Variants in CAMK2B observed in about 807,000 individuals in gnomAD.
CAMK2B encodes calcium/calmodulin-dependent protein kinase type II subunit beta.
CAMK2B carries 27 observed loss-of-function variants against 93.7 expected under a neutral mutation model. The ratio of observed to expected loss-of-function variants is 0.29; its 90% CI spans 0.21 to 0.40. The LOEUF (loss-of-function observed/expected upper bound fraction) is 0.40, where lower values mean the gene tolerates loss of function less well. Among genes scored for constraint, CAMK2B ranks in the 10% least tolerant of loss-of-function variants. The pLI is 1.00. For missense variants in CAMK2B, 568 were observed against 895.8 expected (o/e 0.63, Z 4.67); for synonymous variants, 374 against 358.8 (o/e 1.04, Z -0.48).
At chr7:44,284,953 G>A (rs991845043) in intron 1 of CAMK2B, among the ~76,000 whole-genome samples, 1 of 152,136 alleles carries the variant, frequency 6.6e-6, no homozygotes, top group African/African-American at 2.4e-5. Context: ...GGGACAGAGG[G>A]AGCTGACCAG....
At chr7:44,303,670 C>T (rs1449049802) in intron 1 of CAMK2B, among the ~76,000 whole-genome samples, 1 of 152,132 alleles carries the variant, frequency 6.6e-6, no homozygotes, top group Admixed American at 6.5e-5. Flanking sequence ...CATAGAAAAT[C>T]TGGATGACTT....
chr7:44,310,351 G>C (rs973916445), intron 1 of CAMK2B, among the ~76,000 whole-genome samples: 2 of 152,204 alleles, frequency 1.3e-5, no homozygotes, highest in Admixed American at 6.5e-5. Flanking sequence ...ACCACTTCCT[G>C]GGGCCGGAAG....
intron 16 of CAMK2B, among the ~76,000 whole-genome samples, chr7:44,232,342 T>G (rs2096587325): frequency 6.6e-6 from 1 of 151,704 alleles, no homozygotes; most frequent in Non-Finnish European, 1.5e-5. Flanking sequence ...AGCCAGCCCC[T>G]TCCCTGGCCC....
At chr7:44,277,755 C>T (rs1388899409) in intron 2 of CAMK2B, among the ~76,000 whole-genome samples, 3 of 151,644 alleles carry the variant, frequency 2.0e-5, no homozygotes, top group Non-Finnish European at 4.4e-5. Context: ...CCCCACCTCC[C>T]TGAATAGCAG....
Position 44,243,269 on chromosome 7 carries a change from A to G in CAMK2B, c.582T>C (p.Pro194=), listed in dbSNP as rs11542228. ...EVLRKEAYGK[P]VDIWACGVIL... ...CCTCACCACATGCCCAGATGTCCAC[A>G]GGCTTGCCATACGCCTCTTTGCGAA... The change falls in exon 8 of 24, where the codon CCT becomes CCC. Residue 194 remains proline, a synonymous_variant. Transcript: ENST00000395749. The G allele has an allele frequency of 0.42, 670,281 of 1,611,032 alleles. 142,565 individuals carry two copies. Among genetic ancestry groups the G allele is most frequent in the Middle Eastern group, 0.51 (3,093 of 6,050 alleles).
intron 6 of CAMK2B, among the ~76,000 whole-genome samples, chr7:44,245,343 C>A (rs1488082061): frequency 6.6e-6 from 1 of 152,192 alleles, no homozygotes. Context: ...CACTACTCTG[C>A]TGCTTCCTGG....
At chr7:44,237,233 C>G (rs921201500) in intron 13 of CAMK2B, among the ~76,000 whole-genome samples, 2 of 152,244 alleles carry the variant, frequency 1.3e-5, no homozygotes, top group African/African-American at 4.8e-5. Flanking sequence ...GGCAGAGACC[C>G]CGGACAGTCC....
chr7:44,262,931 T>G, intron 3 of CAMK2B, 74 bp downstream of exon 3: 1 of 1,314,586 alleles, frequency 7.6e-7, no homozygotes, highest in Non-Finnish European at 1.1e-6. Context: ...GAAAGTCTGA[T>G]AGAGAAACCG....
At chr7:44,255,752 T>G (rs1380729154) in intron 4 of CAMK2B, among the ~76,000 whole-genome samples, 1 of 152,174 alleles carries the variant, frequency 6.6e-6, no homozygotes, top group Non-Finnish European at 1.5e-5. Context: ...GGAGTGGATC[T>G]GTTGAACATG....
At chr7:44,291,948 A>G (rs10441115) in intron 1 of CAMK2B, among the ~76,000 whole-genome samples, 31,296 of 152,288 alleles carry the variant, frequency 0.21, 3,985 homozygotes, top group Middle Eastern at 0.32. Flanking sequence ...TCGGAGCCCA[A>G]CAAGAGCTAA....
intron 23 of CAMK2B, among the ~76,000 whole-genome samples, 179 bp downstream of exon 23, chr7:44,219,881 C>T (rs1369199112): frequency 1.3e-5 from 2 of 152,180 alleles, no homozygotes; most frequent in African/African-American, 2.4e-5. Context: ...GCCTGCCACA[C>T]CCAGCCTGCC....
At chr7:44,263,698 G>C (rs994156913) in intron 2 of CAMK2B, among the ~76,000 whole-genome samples, 2 of 152,190 alleles carry the variant, frequency 1.3e-5, no homozygotes, top group African/African-American at 4.8e-5. Context: ...CCAAAGGATG[G>C]AGCAACTTAT....
intron 13 of CAMK2B, among the ~76,000 whole-genome samples, chr7:44,237,786 C>G (rs2096640102): frequency 6.6e-6 from 1 of 152,194 alleles, no homozygotes; most frequent in Non-Finnish European, 1.5e-5. Flanking sequence ...ATCTCAGACA[C>G]CTGGGTTGGG....
intron 1 of CAMK2B, among the ~76,000 whole-genome samples, chr7:44,307,212 A>G (rs1584844136): frequency 2.1e-5 from 2 of 93,684 alleles, no homozygotes; most frequent in African/African-American, 4.3e-5. Flanking sequence ...TGTGAACAGG[A>G]GGAGGGTATG....
At chr7:44,228,556 C>A (rs1046922086) in intron 19 of CAMK2B, among the ~76,000 whole-genome samples, 1 of 151,952 alleles carries the variant, frequency 6.6e-6, no homozygotes, top group African/African-American at 2.4e-5. Context: ...GGACAGCGAG[C>A]GGGGAGTGGC....
At chr7:44,276,116 AG>A (rs1049542875) in intron 2 of CAMK2B, among the ~76,000 whole-genome samples, 5 of 100,644 alleles carry the variant, frequency 5.0e-5, no homozygotes, top group African/African-American at 1.9e-4. Flanking sequence ...GAGAAGCCAG[AG>A]GGGAAAGAGG....
chr7:44,240,596 G>T (rs76144629), intron 12 of CAMK2B, 111 bp downstream of exon 12: 92,235 of 1,248,804 alleles, frequency 0.074, 3,842 homozygotes, highest in South Asian at 0.1. Context: ...GACGCCGAGG[G>T]CAGGCCTGCC....
chr7:44,322,886 C>T (rs1796462743), intron 1 of CAMK2B, among the ~76,000 whole-genome samples: 1 of 152,252 alleles, frequency 6.6e-6, no homozygotes, highest in Admixed American at 6.5e-5. Flanking sequence ...GTGCCAGTGG[C>T]TGCAGCTTTA....
intron 2 of CAMK2B, chr7:44,263,967 G>A (rs79800634): frequency 0.017 from 2,625 of 154,874 alleles, 67 homozygotes; most frequent in African/African-American, 0.06. Flanking sequence ...CACAAAGGTC[G>A]AAACTAGGCA....
Sources: allele counts gnomAD v4.1 joint callset (sites outside exome capture counted in the v4.1 genomes callset), GRCh38; gene constraint gnomAD v4.1.1; transcripts MANE v1.5; gene names NCBI Gene and HGNC (gene_info 2026-07-23, HGNC 2026-07-21).